Variants in ARB2A observed in about 807,000 individuals in gnomAD.
ARB2A encodes the protein cotranscriptional regulator ARB2A.
chr5:93,807,527 A>C, the ARB2A span, among the ~76,000 whole-genome samples: 1 of 151,950 alleles, frequency 6.6e-6, no homozygotes, highest in Non-Finnish European at 1.5e-5. Flanking sequence ...TCATTTTCTT[A>C]AACACATAAA....
the ARB2A span, among the ~76,000 whole-genome samples, chr5:93,930,801 G>A: frequency 6.6e-6 from 1 of 152,000 alleles, no homozygotes; most frequent in Non-Finnish European, 1.5e-5. Context: ...AAAAATTGTT[G>A]ACATTTCCAT....
chr5:94,019,636 T>C, the ARB2A span, among the ~76,000 whole-genome samples: 1 of 152,266 alleles, frequency 6.6e-6, no homozygotes, highest in East Asian at 1.9e-4. Context: ...AAACAACAGA[T>C]CCTGGAGAGG....
At chr5:93,803,566 G>A in the ARB2A span, among the ~76,000 whole-genome samples, 1 of 151,588 alleles carries the variant, frequency 6.6e-6, no homozygotes, top group African/African-American at 2.4e-5. Flanking sequence ...GGTGGAGGGT[G>A]GAGGGTGGGA....
the ARB2A span, among the ~76,000 whole-genome samples, chr5:93,935,441 A>C: frequency 6.6e-6 from 1 of 152,284 alleles, no homozygotes; most frequent in South Asian, 2.1e-4. Flanking sequence ...GTGTTGGTAG[A>C]GGTAACAGCA....
At chr5:93,838,132 G>C in the ARB2A span, among the ~76,000 whole-genome samples, 1 of 152,080 alleles carries the variant, frequency 6.6e-6, no homozygotes, top group Non-Finnish European at 1.5e-5. Context: ...GGTTTTTATA[G>C]TTTTAAGTTT....
chr5:94,042,314 C>CTTT, the ARB2A span, among the ~76,000 whole-genome samples: 362 of 103,032 alleles, frequency 3.5e-3, no homozygotes, highest in Admixed American at 5.9e-3. Context: ...AAAAGATCAG[C>CTTT]TTTTTTTTTT....
the ARB2A span, among the ~76,000 whole-genome samples, chr5:93,855,564 T>C: frequency 3.9e-5 from 6 of 152,166 alleles, no homozygotes; most frequent in Non-Finnish European, 7.3e-5. Context: ...TGATGGTCTT[T>C]ACAATTTGGC....
chr5:93,856,258 T>C, the ARB2A span, among the ~76,000 whole-genome samples: 2 of 152,166 alleles, frequency 1.3e-5, no homozygotes, highest in African/African-American at 4.8e-5. Context: ...TAATTATGTG[T>C]CTTGGAGTTG....
the ARB2A span, among the ~76,000 whole-genome samples, chr5:93,905,082 T>C: frequency 6.6e-5 from 10 of 151,764 alleles, no homozygotes; most frequent in Non-Finnish European, 1.5e-4. Context: ...TCCTACGAAT[T>C]GTCTCTGTCC....
the ARB2A span, among the ~76,000 whole-genome samples, chr5:93,962,641 C>G: frequency 6.6e-6 from 1 of 151,892 alleles, no homozygotes; most frequent in South Asian, 2.1e-4. Context: ...TAAGAGAGCT[C>G]GGGAGAAAGC....
the ARB2A span, chr5:93,740,487 A>T: frequency 7.4e-7 from 1 of 1,355,076 alleles, no homozygotes. Flanking sequence ...ATTAATACTA[A>T]AAGCCCTCAA....
the ARB2A span, among the ~76,000 whole-genome samples, chr5:93,670,535 G>A: frequency 6.6e-6 from 1 of 152,134 alleles, no homozygotes; most frequent in African/African-American, 2.4e-5. Flanking sequence ...GCATAACTCA[G>A]GGCCATGTAC....
At chr5:93,956,551 A>G in the ARB2A span, among the ~76,000 whole-genome samples, 1 of 152,156 alleles carries the variant, frequency 6.6e-6, no homozygotes, top group Non-Finnish European at 1.5e-5. Context: ...AGTGATATGA[A>G]AACCCACAGA....
the ARB2A span, among the ~76,000 whole-genome samples, chr5:93,956,803 G>A: frequency 6.6e-6 from 1 of 151,882 alleles, no homozygotes; most frequent in African/African-American, 2.4e-5. Context: ...AGCAACCCTT[G>A]AAGAAAACAC....
the ARB2A span, among the ~76,000 whole-genome samples, chr5:93,640,576 G>GTA: frequency 2.5e-3 from 326 of 132,690 alleles, no homozygotes; most frequent in African/African-American, 7.7e-3. Flanking sequence ...GTGTGTGTAT[G>GTA]TGTGTGTGTG....
At chr5:93,622,577 A>G in the ARB2A span, among the ~76,000 whole-genome samples, 1 of 152,186 alleles carries the variant, frequency 6.6e-6, no homozygotes, top group Non-Finnish European at 1.5e-5. Context: ...TGGCCCTACT[A>G]GAGAACCCCT....
the ARB2A span, among the ~76,000 whole-genome samples, chr5:93,652,175 A>C: frequency 6.6e-6 from 1 of 152,170 alleles, no homozygotes; most frequent in African/African-American, 2.4e-5. Context: ...AAGGACATGG[A>C]GCAACTAAAC....
At chr5:93,866,300 T>C in the ARB2A span, 15 of 980,858 alleles carry the variant, frequency 1.5e-5, no homozygotes, top group South Asian at 9.4e-5. Context: ...TGCACCAAGA[T>C]TTTCAAATTT....
At chr5:93,788,485 C>A in the ARB2A span, among the ~76,000 whole-genome samples, 1 of 152,158 alleles carries the variant, frequency 6.6e-6, no homozygotes, top group Non-Finnish European at 1.5e-5. Context: ...ACCATGCTTT[C>A]TCTAAGGTCC....
Sources: allele counts gnomAD v4.1 joint callset (sites outside exome capture counted in the v4.1 genomes callset), GRCh38; gene constraint gnomAD v4.1.1; transcripts MANE v1.5; gene names NCBI Gene and HGNC (gene_info 2026-07-23, HGNC 2026-07-21).